Variants in ZDHHC14 observed in about 807,000 individuals in gnomAD.
ZDHHC14 encodes palmitoyltransferase ZDHHC14.
In ZDHHC14, 16 loss-of-function variants were observed where a neutral mutation model predicts 47.7. That is an observed-to-expected ratio of 0.34 (90% CI 0.23 to 0.51). The LOEUF (loss-of-function observed/expected upper bound fraction) is 0.51, where lower values mean the gene tolerates loss of function less well. ZDHHC14 is among the 20% of genes least tolerant of loss of function. The pLI, the probability that ZDHHC14 is intolerant of heterozygous loss-of-function variation, is 0.97. For missense variants in ZDHHC14, 515 were observed against 662.5 expected (o/e 0.78, Z 2.44); for synonymous variants, 293 against 278.9 (o/e 1.05, Z -0.50).
chr6:157,595,147 A>ATCCTCT (rs1185233604), intron 3 of ZDHHC14, among the ~76,000 whole-genome samples: 1 of 82,926 alleles, frequency 1.2e-5, no homozygotes, highest in Non-Finnish European at 2.6e-5. Context: ...CCACTCATTT[A>ATCCTCT]TCCTCTGTTT....
chr6:157,652,991 A>C (rs1562530681), intron 7 of ZDHHC14, among the ~76,000 whole-genome samples: 1 of 152,196 alleles, frequency 6.6e-6, no homozygotes, highest in Non-Finnish European at 1.5e-5. Context: ...GCAGAGGGGC[A>C]GGAAAAGTGA....
intron 6 of ZDHHC14, among the ~76,000 whole-genome samples, chr6:157,646,681 C>T (rs1777573359): frequency 6.6e-6 from 1 of 151,418 alleles, no homozygotes; most frequent in African/African-American, 2.4e-5. Flanking sequence ...GTCCTCTTTG[C>T]TCTTTATACT....
At chr6:157,628,743 C>T (rs1164702826) in intron 4 of ZDHHC14, 3 of 470,654 alleles carry the variant, frequency 6.4e-6, no homozygotes, top group Non-Finnish European at 1.1e-5. Flanking sequence ...CCAGGCTGCG[C>T]TTTCACCAAA....
chr6:157,559,513 A>T (rs142005504), intron 2 of ZDHHC14, among the ~76,000 whole-genome samples: 31 of 152,362 alleles, frequency 2.0e-4, no homozygotes, highest in African/African-American at 7.0e-4. Flanking sequence ...GAATCCGCTC[A>T]AGCTGGAACT....
intron 5 of ZDHHC14, among the ~76,000 whole-genome samples, chr6:157,643,069 T>A (rs1387040516): frequency 1.3e-5 from 2 of 152,244 alleles, no homozygotes; most frequent in Non-Finnish European, 2.9e-5. Context: ...CATTGCTTTC[T>A]GCCTCAGTTT....
chr6:157,543,343 T>C (rs1001399309), intron 2 of ZDHHC14, among the ~76,000 whole-genome samples: 5 of 108,732 alleles, frequency 4.6e-5, no homozygotes, highest in Non-Finnish European at 9.0e-5. Context: ...CAACAAACTT[T>C]TACAGTTTTT....
chr6:157,570,043 G>C (rs1367716494), intron 2 of ZDHHC14, among the ~76,000 whole-genome samples: 1 of 152,160 alleles, frequency 6.6e-6, no homozygotes, highest in Non-Finnish European at 1.5e-5. Context: ...ATTCTTTAAA[G>C]TATAGTGTAC....
At chr6:157,523,388 C>T (rs969644948) in intron 1 of ZDHHC14, among the ~76,000 whole-genome samples, 2 of 152,120 alleles carry the variant, frequency 1.3e-5, no homozygotes, top group African/African-American at 2.4e-5. Flanking sequence ...TTGCTATTGA[C>T]TTTTTGTTTT....
intron 2 of ZDHHC14, among the ~76,000 whole-genome samples, chr6:157,592,604 G>A (rs1310207412): frequency 6.6e-6 from 1 of 152,226 alleles, no homozygotes; most frequent in Non-Finnish European, 1.5e-5. Flanking sequence ...AGAGGTCAGG[G>A]TGGCCCTCCT....
At chr6:157,430,447 T>C (rs917527764) in intron 1 of ZDHHC14, among the ~76,000 whole-genome samples, 19 of 152,046 alleles carry the variant, frequency 1.2e-4, no homozygotes, top group Non-Finnish European at 1.8e-4. Context: ...AGAGAGAACC[T>C]GTTTTCTTGC....
chr6:157,645,882 T>C, intron 6 of ZDHHC14, 43 bp downstream of exon 6: 1 of 1,560,506 alleles, frequency 6.4e-7, no homozygotes, highest in Middle Eastern at 1.7e-4. Context: ...TTCTTGGGTT[T>C]TGGGCAATGG....
chr6:157,504,318 AT>A (rs1432966328), intron 1 of ZDHHC14, among the ~76,000 whole-genome samples: 1 of 128,002 alleles, frequency 7.8e-6, no homozygotes, highest in African/African-American at 2.9e-5. Flanking sequence ...CGCCCGGCTA[AT>A]TTTTTGTATT....
chr6:157,492,458 G>A (rs143501887), intron 1 of ZDHHC14, among the ~76,000 whole-genome samples: 3 of 144,766 alleles, frequency 2.1e-5, no homozygotes, highest in Non-Finnish European at 2.9e-5. Context: ...AAAGCGGGAA[G>A]GCGGAGGCTC....
intron 1 of ZDHHC14, among the ~76,000 whole-genome samples, chr6:157,456,359 T>A (rs1023168669): frequency 3.3e-5 from 5 of 152,210 alleles, no homozygotes; most frequent in African/African-American, 4.8e-5. Flanking sequence ...TCGTTCATCC[T>A]GGGGCTGCCA....
intron 3 of ZDHHC14, among the ~76,000 whole-genome samples, chr6:157,605,676 A>G (rs1055081189): frequency 1.3e-5 from 2 of 152,218 alleles, no homozygotes; most frequent in Non-Finnish European, 1.5e-5. Context: ...GAAAGCGGGC[A>G]AGCAGCAGGT....
At chr6:157,391,278 TC>T in intron 1 of ZDHHC14, among the ~76,000 whole-genome samples, 1 of 152,320 alleles carries the variant, frequency 6.6e-6, no homozygotes, top group South Asian at 2.1e-4. Context: ...TTTGTGTCAG[TC>T]TTGCACCAAG....
intron 1 of ZDHHC14, among the ~76,000 whole-genome samples, chr6:157,479,294 A>G (rs1322656006): frequency 6.6e-6 from 1 of 152,240 alleles, no homozygotes; most frequent in Non-Finnish European, 1.5e-5. Context: ...TAGAACTGTG[A>G]TTGGCACATC....
intron 1 of ZDHHC14, among the ~76,000 whole-genome samples, chr6:157,497,496 TTGCATGTAATGTGTATACC>T: frequency 6.6e-6 from 1 of 152,124 alleles, no homozygotes; most frequent in Admixed American, 6.5e-5. Context: ...TAAGTGGAAT[TTGCATGTAATGTGTATACC>T]CCAGTGTGAA....
intron 1 of ZDHHC14, among the ~76,000 whole-genome samples, chr6:157,490,973 A>G (rs1403197782): frequency 6.6e-6 from 1 of 151,978 alleles, no homozygotes; most frequent in Non-Finnish European, 1.5e-5. Flanking sequence ...GTGGGGGCGC[A>G]GAGGAGAGGT....
Sources: allele counts gnomAD v4.1 joint callset (sites outside exome capture counted in the v4.1 genomes callset), GRCh38; gene constraint gnomAD v4.1.1; transcripts MANE v1.5; gene names NCBI Gene and HGNC (gene_info 2026-07-23, HGNC 2026-07-21).